Variants in DOCK2 observed in about 807,000 individuals in gnomAD.
DOCK2 encodes the protein dedicator of cytokinesis protein 2.
A neutral mutation model predicts 248.9 loss-of-function variants in DOCK2; 87 were observed. That is an observed-to-expected ratio of 0.35 (90% CI 0.29 to 0.42). DOCK2 has a LOEUF of 0.42. DOCK2 is among the 10% of genes least tolerant of loss of function. DOCK2 has a pLI of 1.00. For missense variants in DOCK2, 1,747 were observed against 2,300.2 expected, an observed-to-expected ratio of 0.76 and a Z score of 4.92; for synonymous variants, 805 against 821.6, an observed-to-expected ratio of 0.98 and a Z score of 0.35.
chr5:169,850,817 C>T (rs1346503976), intron 27 of DOCK2, among the ~76,000 whole-genome samples: 1 of 152,226 alleles, frequency 6.6e-6, no homozygotes, highest in Non-Finnish European at 1.5e-5. Flanking sequence ...AGGTAGACTT[C>T]ACGGAACTGG....
intron 27 of DOCK2, among the ~76,000 whole-genome samples, chr5:169,924,075 C>G (rs1304475736): frequency 6.6e-6 from 1 of 152,176 alleles, no homozygotes; most frequent in Non-Finnish European, 1.5e-5. Context: ...TCCTGCCACC[C>G]TCTTCCTCCC....
intron 1 of DOCK2, among the ~76,000 whole-genome samples, chr5:169,648,417 G>T (rs998563865): frequency 3.3e-5 from 5 of 152,146 alleles, no homozygotes; most frequent in African/African-American, 1.2e-4. Flanking sequence ...CTTTCGTCTT[G>T]TCGGCTGGGC....
chr5:170,020,749 A>G (rs1755692584), intron 33 of DOCK2, among the ~76,000 whole-genome samples: 2 of 152,256 alleles, frequency 1.3e-5, no homozygotes, highest in Non-Finnish European at 2.9e-5. Flanking sequence ...AGTATCTCCC[A>G]GTAATACTGG....
intron 27 of DOCK2, among the ~76,000 whole-genome samples, chr5:169,931,594 T>C (rs764638658): frequency 5.9e-5 from 9 of 152,248 alleles, no homozygotes; most frequent in Non-Finnish European, 1.0e-4. Context: ...TTATTCGCTG[T>C]TTGACTTTGG....
chr5:169,958,742 C>T (rs1447228798), intron 27 of DOCK2, among the ~76,000 whole-genome samples: 1 of 152,102 alleles, frequency 6.6e-6, no homozygotes, highest in Non-Finnish European at 1.5e-5. Context: ...CAATGCCCAG[C>T]AATAGAGGGC....
In DOCK2 at chr5:170,078,959, C is replaced by T. The variant is rs1561911647; in HGVS notation, c.4995-16C>T. The T allele has an allele frequency of 6.2e-7, 1 of 1,612,896 alleles. No individual in the cohort carries two copies. ...CTCTAACTGCAGTTTCTATTGCTGCCCCTCTGGCCTTTCAGCTTTGACCTG... is the reference window on the plus strand; with the variant it reads ...CTCTAACTGCAGTTTCTATTGCTGCTCCTCTGGCCTTTCAGCTTTGACCTG... On this transcript the variant is annotated splice_polypyrimidine_tract_variant and intron_variant, in intron 48 of 51. Coordinates refer to ENST00000520908, the MANE Select transcript of DOCK2 (RefSeq NM_004946.3).
At chr5:169,902,943 C>CA (rs1291402216) in intron 27 of DOCK2, among the ~76,000 whole-genome samples, 3 of 151,936 alleles carry the variant, frequency 2.0e-5, no homozygotes, top group African/African-American at 7.3e-5. Context: ...ACTAAAAATA[C>CA]AAAAATTAGC....
At chr5:169,762,344 C>T (rs192413787) in intron 25 of DOCK2, among the ~76,000 whole-genome samples, 40 of 152,160 alleles carry the variant, frequency 2.6e-4, no homozygotes, top group African/African-American at 9.2e-4. Flanking sequence ...CTGCACTTTG[C>T]CTTTCTTCAC....
intron 27 of DOCK2, chr5:169,841,482 A>G: frequency 3.1e-6 from 3 of 983,576 alleles, no homozygotes; most frequent in Non-Finnish European, 3.6e-6. Context: ...GGGGCCAGTC[A>G]CCAACATAAA....
intron 27 of DOCK2, among the ~76,000 whole-genome samples, chr5:169,973,747 C>T (rs1436049755): frequency 6.6e-6 from 1 of 152,208 alleles, no homozygotes; most frequent in Non-Finnish European, 1.5e-5. Flanking sequence ...GGGGTGTCCT[C>T]AGCCATAGAG....
intron 41 of DOCK2, among the ~76,000 whole-genome samples, chr5:170,051,658 G>A (rs1227591359): frequency 6.6e-6 from 1 of 152,184 alleles, no homozygotes; most frequent in East Asian, 1.9e-4. Flanking sequence ...GCATGGAGGT[G>A]AGCTAGAATG....
intron 27 of DOCK2, among the ~76,000 whole-genome samples, chr5:169,863,629 ACT>A (rs376649083): frequency 2.4e-4 from 37 of 152,326 alleles, no homozygotes; most frequent in African/African-American, 8.7e-4. Context: ...GGGTGGCCTG[ACT>A]CTGCCACAGG....
intron 25 of DOCK2, among the ~76,000 whole-genome samples, chr5:169,765,869 C>T (rs1300539275): frequency 4.6e-5 from 7 of 152,170 alleles, no homozygotes; most frequent in East Asian, 1.9e-4. Context: ...TAAAGCTTAG[C>T]TTCCTTCTTC....
intron 26 of DOCK2, among the ~76,000 whole-genome samples, chr5:169,839,645 G>A (rs1045156008): frequency 2.0e-5 from 3 of 152,154 alleles, no homozygotes; most frequent in African/African-American, 7.2e-5. Context: ...AAAGTTTAGG[G>A]ACCTGTATTT....
In DOCK2 at chr5:169,674,034, T is replaced by G. The variant is rs549617828; in HGVS notation, c.322-263T>G. ...CATTCCTGTTCAATAAATATCTTTT[T>G]AGATAAAGTCAGAAATCACTCATTC... On this transcript the variant is annotated intron_variant, in intron 5 of 51. Coordinates refer to ENST00000520908, the MANE Select transcript of DOCK2 (RefSeq NM_004946.3). Among the ~76,000 whole-genome samples the G allele has an allele frequency of 2.9e-4, 44 of 152,366 alleles. No individual in the cohort carries two copies. In the South Asian group the frequency reaches 9.1e-3, roughly 32 times the overall value.
chr5:169,979,469 C>A (rs150850639), intron 27 of DOCK2, among the ~76,000 whole-genome samples: 63 of 152,264 alleles, frequency 4.1e-4, no homozygotes, highest in Middle Eastern at 3.4e-3. Flanking sequence ...CGCTGTATGA[C>A]AAAAGAGGTG....
chr5:170,075,784 C>A, intron 46 of DOCK2, 163 bp from the exon 47 acceptor site: 1 of 895,590 alleles, frequency 1.1e-6, no homozygotes, highest in Non-Finnish European at 1.7e-6. Context: ...CAACTTTCCC[C>A]ATTTCCCATG....
intron 49 of DOCK2, 138 bp downstream of exon 49, chr5:170,079,284 C>T: frequency 8.2e-7 from 1 of 1,223,310 alleles, no homozygotes; most frequent in African/African-American, 1.5e-5. Context: ...AGAGGCGGCA[C>T]CTGAGGAGCT....
chr5:169,766,628 G>A (rs1015243944), intron 25 of DOCK2, among the ~76,000 whole-genome samples: 3 of 152,092 alleles, frequency 2.0e-5, no homozygotes, highest in Admixed American at 6.5e-5. Flanking sequence ...TGGGTCGAGG[G>A]GTAGTTCTGT....
Sources: allele counts gnomAD v4.1 joint callset (sites outside exome capture counted in the v4.1 genomes callset), GRCh38; gene constraint gnomAD v4.1.1; transcripts MANE v1.5; gene names NCBI Gene and HGNC (gene_info 2026-07-23, HGNC 2026-07-21).